KIAA1755: variants seen among roughly 807,000 people sequenced by gnomAD.
The protein encoded by KIAA1755 is KIAA1755, also known as uncharacterized protein KIAA1755.
Under a neutral mutation model 91.7 loss-of-function variants are expected in KIAA1755, and 68 were observed. That is an observed-to-expected ratio of 0.74 (90% confidence interval 0.61 to 0.91). The LOEUF (loss-of-function observed/expected upper bound fraction) is 0.91, where lower values mean the gene tolerates loss of function less well. Among genes scored for constraint, KIAA1755 ranks in the 40% least tolerant of loss-of-function variants. The pLI, the probability that KIAA1755 is intolerant of heterozygous loss-of-function variation, is 0.00. For synonymous variants in KIAA1755, 610 were observed against 604.6 expected (o/e 1.01, Z -0.13); for missense variants, 1,535 against 1,494.4 (o/e 1.03, Z -0.45).
intron 13 of KIAA1755, among the ~76,000 whole-genome samples, chr20:38,214,621 A>C (rs1413122750): frequency 2.0e-5 from 3 of 152,200 alleles, no homozygotes; most frequent in African/African-American, 7.2e-5. Context: ...AAGCACCTTC[A>C]TGGGCAGAAG....
rs765980240 is a variant in KIAA1755 at position 38,225,773 on chromosome 20, C to T, written c.2061G>A (p.Val687=). 1 of 1,549,398 alleles carries T rather than the reference C, an allele frequency of 6.5e-7. No homozygotes were observed. Among genetic ancestry groups the T allele is most frequent in the South Asian group, 1.2e-5 (1 of 80,752 alleles). Residue 687 remains valine (V), a synonymous_variant, in exon 8 of 14, where the codon GTG becomes GTA. Transcript: ENST00000279024. ...LQTLPDVQVE[V]LTSLKALSHH... is the part of the protein sequence containing the mutation. ...GGCTGAGGGCCTTCAATGAGGTCAGCACCTCCACCTGCAGACCAAAGAATC... is the reference window on the plus strand; with the variant it reads ...GGCTGAGGGCCTTCAATGAGGTCAGTACCTCCACCTGCAGACCAAAGAATC...
intron 11 of KIAA1755, among the ~76,000 whole-genome samples, chr20:38,219,380 AG>A (rs2123075473): frequency 6.6e-6 from 1 of 152,326 alleles, no homozygotes; most frequent in Non-Finnish European, 1.5e-5. Flanking sequence ...GCTCTGGCCC[AG>A]GGCTTGGCAC....
rs1333447955 is a variant in KIAA1755, at chr20:38,241,842, G to A, written c.289C>T (p.Pro97Ser). The change falls in exon 3 of 14, where the codon CCT (proline) becomes TCT (serine). Residue 97 changes from proline (P) to serine (S), a missense_variant. Coordinates refer to ENST00000279024, the MANE Select transcript of KIAA1755 (RefSeq NM_001029864.2). ...EVVVHLAPLN[P>S]LLLRQGDFYL... ...AAGTCACCCTGGCGCAATAAGAGAG[G>A]GTTGAGGGGTGCCAAGTGGACCACA... 4.3e-6 allele frequency: 7 copies of A among 1,614,132 alleles called. No individual in the cohort carries two copies. The highest frequency in any genetic ancestry group is 5.9e-6 in the Non-Finnish European group (7 of 1,180,022).
chr20:38,249,976 G>A (rs1258949028), intron 1 of KIAA1755, among the ~76,000 whole-genome samples: 1 of 152,186 alleles, frequency 6.6e-6, no homozygotes, highest in Non-Finnish European at 1.5e-5. Flanking sequence ...CCTTGAGTAG[G>A]TCCTTTCCCT....
chr20:38,235,754 T>A (rs559087175), intron 4 of KIAA1755, among the ~76,000 whole-genome samples: 1 of 152,338 alleles, frequency 6.6e-6, no homozygotes, highest in African/African-American at 2.4e-5. Flanking sequence ...TTGTTTTACG[T>A]CACTAATTTG....
chr20:38,250,496 G>GTGTGTGTGTGTGTC (rs2076230100), intron 1 of KIAA1755, among the ~76,000 whole-genome samples: 1 of 134,804 alleles, frequency 7.4e-6, no homozygotes, highest in Non-Finnish European at 1.6e-5. Flanking sequence ...TGGTGTGTGT[G>GTGTGTGTGTGTGTC]TGTGTGTGTG....
intron 13 of KIAA1755, 21 bp from the exon 14 acceptor site, chr20:38,213,764 G>C (rs748404785): frequency 2.8e-6 from 4 of 1,432,970 alleles, no homozygotes; most frequent in Non-Finnish European, 3.7e-6. Flanking sequence ...AGAAGAGAGG[G>C]AGGTGGGGGC....
chr20:38,228,745 G>T (rs1417503334), intron 5 of KIAA1755, among the ~76,000 whole-genome samples: 1 of 152,188 alleles, frequency 6.6e-6, no homozygotes, highest in East Asian at 1.9e-4. Flanking sequence ...CAGGGAAAGA[G>T]GCTTCTGGGA....
chr20:38,231,861 G>A (rs2075870370), intron 4 of KIAA1755, among the ~76,000 whole-genome samples: 1 of 152,148 alleles, frequency 6.6e-6, no homozygotes, highest in South Asian at 2.1e-4. Flanking sequence ...CCAGTCCAAG[G>A]GGTGGTGAGC....
intron 1 of KIAA1755, among the ~76,000 whole-genome samples, chr20:38,257,609 G>C (rs1042713539): frequency 5.4e-5 from 8 of 148,664 alleles, no homozygotes; most frequent in Non-Finnish European, 1.0e-4. Flanking sequence ...AAACCTGAAC[G>C]TGACCAGTTT....
At chr20:38,235,411 G>A (rs1041800817) in intron 4 of KIAA1755, among the ~76,000 whole-genome samples, 17 of 152,042 alleles carry the variant, frequency 1.1e-4, no homozygotes, top group Non-Finnish European at 1.5e-5. Flanking sequence ...CAGATGTGAT[G>A]AAGGGCAGGA....
intron 1 of KIAA1755, among the ~76,000 whole-genome samples, chr20:38,259,817 C>G (rs2076410142): frequency 8.6e-6 from 1 of 116,160 alleles, no homozygotes; most frequent in African/African-American, 3.8e-5. Context: ...GCCACCACCA[C>G]CACCACACAC....
chr20:38,217,834 C>G (rs774880857), intron 12 of KIAA1755: 2 of 420,490 alleles, frequency 4.8e-6, no homozygotes, highest in Non-Finnish European at 8.6e-6. Flanking sequence ...TGTTTGTCCC[C>G]GCCCCCGCCC....
rs183737384 is a variant in KIAA1755, at chr20:38,230,676, G to A, written c.1871+526C>T. On this transcript the variant is annotated intron_variant, in intron 5 of 13. Coordinates refer to ENST00000279024, the MANE Select transcript of KIAA1755 (RefSeq NM_001029864.2). ...GGCCGAGGTGGGTGGATCACCTGAG[G>A]TTGGGAGCTCAAGACCAGCCTGACC... Among the ~76,000 whole-genome samples, 498 of 152,304 alleles carry A rather than the reference G, an allele frequency of 3.3e-3. 5 individuals carry two copies. The highest frequency in any genetic ancestry group is 6.3e-3 in the Admixed American group (97 of 15,308).
At chr20:38,230,607 G>T (rs1326425930) in intron 5 of KIAA1755, among the ~76,000 whole-genome samples, 1 of 152,154 alleles carries the variant, frequency 6.6e-6, no homozygotes, top group Non-Finnish European at 1.5e-5. Flanking sequence ...TTTGAAAACC[G>T]GCCAGGCACG....
rs1205418 is a variant in KIAA1755, at chr20:38,231,309, G to A, written c.1764C>T (p.Ala588=). 478,914 of 1,608,584 alleles carry A rather than the reference G, an allele frequency of 0.3. 72,362 individuals are homozygous for A. Among genetic ancestry groups the A allele is most frequent in the Middle Eastern group, 0.41 (2,005 of 4,866 alleles). ...IACLPGGRDR[A]GRPLLLVSTT... ...TTGACACCAGAAGCAGGGGCCGCCC[G>A]GCCCTGTCCCGGCCACCTGGAGGAC... is the stretch of plus-strand genomic sequence containing the variant. The change falls in exon 5 of 14, where the codon GCC becomes GCT. Residue 588 remains alanine (A), a synonymous_variant. Coordinates refer to ENST00000279024, the MANE Select transcript of KIAA1755 (RefSeq NM_001029864.2).
At chr20:38,257,565 A>G (rs909933888) in intron 1 of KIAA1755, among the ~76,000 whole-genome samples, 5 of 145,546 alleles carry the variant, frequency 3.4e-5, no homozygotes, top group Non-Finnish European at 7.4e-5. Context: ...TGGGCAATAG[A>G]GCGAGACTCC....
intron 5 of KIAA1755, among the ~76,000 whole-genome samples, chr20:38,230,252 C>G (rs1199880800): frequency 6.6e-6 from 1 of 152,250 alleles, no homozygotes; most frequent in Non-Finnish European, 1.5e-5. Context: ...CACTCACTGA[C>G]TCACCCACTC....
chr20:38,231,146 C>T (rs1464176388), intron 5 of KIAA1755, 56 bp downstream of exon 5: 1 of 1,559,370 alleles, frequency 6.4e-7, no homozygotes, highest in African/African-American at 1.4e-5. Context: ...GTCCAGGGCT[C>T]TGGGCCCAGA....
Sources: gnomAD v4.1 joint callset for allele counts (sites outside exome capture counted in the v4.1 genomes callset) on GRCh38, gnomAD v4.1.1 for gene constraint, MANE v1.5 for transcripts, NCBI Gene and HGNC (gene_info 2026-07-23, HGNC 2026-07-21) for gene names.